The following KLF12 variants were observed in gnomAD, a reference collection of about 807,000 sequenced individuals.
The protein encoded by KLF12 is KLF transcription factor 12, also known as Krueppel-like factor 12.
A neutral mutation model predicts 37.8 loss-of-function variants in KLF12; 9 were observed. That is an observed-to-expected ratio of 0.24 (90% CI 0.14 to 0.42). The LOEUF is 0.42. KLF12 is among the 10% of genes least tolerant of loss of function. The pLI, the probability that KLF12 is intolerant of heterozygous loss-of-function variation, is 1.00. For missense variants in KLF12, 411 were observed against 516.0 expected (o/e 0.80, Z 1.97); for synonymous variants, 208 against 202.1 (o/e 1.03, Z -0.25).
At chr13:73,878,277 C>A (rs1441422234) in intron 3 of KLF12, among the ~76,000 whole-genome samples, 1 of 152,094 alleles carries the variant, frequency 6.6e-6, no homozygotes, top group South Asian at 2.1e-4. Flanking sequence ...TGGATAATCA[C>A]ATAAAATTAT....
At chr13:73,959,875 A>C (rs1315070168) in intron 2 of KLF12, among the ~76,000 whole-genome samples, 1 of 152,208 alleles carries the variant, frequency 6.6e-6, no homozygotes, top group Non-Finnish European at 1.5e-5. Flanking sequence ...AGACGATGGC[A>C]AACCACCACC....
intron 1 of KLF12, among the ~76,000 whole-genome samples, chr13:74,051,452 C>CT (rs1872922896): frequency 6.6e-6 from 1 of 151,650 alleles, no homozygotes; most frequent in African/African-American, 2.4e-5. Flanking sequence ...GGAAAGTATG[C>CT]TTGGGTGGTG....
intron 5 of KLF12, among the ~76,000 whole-genome samples, chr13:73,771,504 T>C (rs560632119): frequency 7.0e-6 from 1 of 143,556 alleles, no homozygotes; most frequent in South Asian, 2.3e-4. Flanking sequence ...ACAATGAGTA[T>C]AGAAAAATAT....
chr13:73,918,043 TACACATATATACAA>T (rs1566458724), intron 3 of KLF12, among the ~76,000 whole-genome samples: 1 of 151,812 alleles, frequency 6.6e-6, no homozygotes, highest in Non-Finnish European at 1.5e-5. Context: ...TATACACACG[TACACATATATACAA>T]ACAAATATAT....
At chr13:73,734,074 C>CA (rs1877264150) in intron 6 of KLF12, among the ~76,000 whole-genome samples, 1 of 152,202 alleles carries the variant, frequency 6.6e-6, no homozygotes. Flanking sequence ...CATTTCAACT[C>CA]AGTGCCTTCA....
intron 3 of KLF12, among the ~76,000 whole-genome samples, chr13:73,876,546 C>T (rs1451414476): frequency 1.3e-5 from 2 of 152,174 alleles, no homozygotes; most frequent in East Asian, 1.9e-4. Flanking sequence ...TAGGCTGAAG[C>T]AGACAGGAAC....
At chr13:73,835,389 T>C (rs1246968211) in intron 4 of KLF12, among the ~76,000 whole-genome samples, 1 of 152,180 alleles carries the variant, frequency 6.6e-6, no homozygotes, top group Non-Finnish European at 1.5e-5. Context: ...TGGTTCCATA[T>C]TACATGACTT....
At chr13:73,866,024 G>A (rs894424928) in intron 3 of KLF12, among the ~76,000 whole-genome samples, 1 of 152,206 alleles carries the variant, frequency 6.6e-6, no homozygotes, top group Admixed American at 6.5e-5. Context: ...GGGAGGCGGA[G>A]GTGGGTGGAT....
intron 7 of KLF12, among the ~76,000 whole-genome samples, chr13:73,703,777 T>C (rs557354674): frequency 1.1e-4 from 17 of 152,288 alleles, no homozygotes; most frequent in Admixed American, 4.6e-4. Context: ...TGTGTCTCAA[T>C]TGCCACTCAC....
chr13:74,289,153 T>G, the KLF12 span: 1 of 151,802 alleles, frequency 6.6e-6, no homozygotes, highest in Non-Finnish European at 1.5e-5. Flanking sequence ...GAACAAAGAG[T>G]TCGATCTGTA....
intron 1 of KLF12, among the ~76,000 whole-genome samples, chr13:74,128,372 G>T (rs1330116209): frequency 6.8e-6 from 1 of 147,846 alleles, no homozygotes; most frequent in East Asian, 2.1e-4. Flanking sequence ...GTGTGGGGGC[G>T]GTGGAGGTAT....
At chr13:74,065,690 C>T (rs1798514861) in intron 1 of KLF12, among the ~76,000 whole-genome samples, 3 of 151,922 alleles carry the variant, frequency 2.0e-5, no homozygotes, top group Admixed American at 6.6e-5. Flanking sequence ...GTTTCTGAGC[C>T]CATGAAGCAG....
the KLF12 span, among the ~76,000 whole-genome samples, chr13:74,198,697 G>GA: frequency 3.3e-5 from 5 of 151,886 alleles, no homozygotes; most frequent in African/African-American, 9.7e-5. Context: ...GAGTTGAAAA[G>GA]AAAAAAACCC....
rs139586706 is a variant in KLF12 at position 73,802,511 on chromosome 13, G to T, written c.806+10641C>A. Among the ~76,000 whole-genome samples, 335 of 152,160 alleles carry T rather than the reference G, an allele frequency of 2.2e-3. 1 individual carries two copies. Among genetic ancestry groups the T allele is most frequent in the African/African-American group, 7.3e-3 (305 of 41,518 alleles). ...TCAGATTTAGGGGCAACAATGTGCA[G>T]ATTTGTTACCTGGGTATACTGTGTG... On this transcript the variant is annotated intron_variant, in intron 5 of 7. Transcript: ENST00000377669.
chr13:74,172,406 G>T, the KLF12 span, among the ~76,000 whole-genome samples: 2 of 152,090 alleles, frequency 1.3e-5, no homozygotes, highest in Non-Finnish European at 2.9e-5. Flanking sequence ...TATATAATAA[G>T]AAGTTTGGAG....
chr13:74,127,075 G>T (rs1282130644), intron 1 of KLF12, among the ~76,000 whole-genome samples: 3 of 152,126 alleles, frequency 2.0e-5, no homozygotes, highest in Admixed American at 6.6e-5. Flanking sequence ...ATTGATCATA[G>T]CTCGTTGTAG....
At chr13:74,221,302 A>G in the KLF12 span, among the ~76,000 whole-genome samples, 7 of 152,072 alleles carry the variant, frequency 4.6e-5, no homozygotes, top group Non-Finnish European at 8.8e-5. Flanking sequence ...CACCGCGCCC[A>G]GCCATCACTT....
intron 1 of KLF12, among the ~76,000 whole-genome samples, chr13:73,995,936 AG>A (rs2138276460): frequency 6.6e-6 from 1 of 152,320 alleles, no homozygotes; most frequent in Non-Finnish European, 1.5e-5. Flanking sequence ...ATTACACTCA[AG>A]AGGGGACACA....
At chr13:74,146,016 AC>A in the KLF12 span, among the ~76,000 whole-genome samples, 1 of 152,222 alleles carries the variant, frequency 6.6e-6, no homozygotes, top group Non-Finnish European at 1.5e-5. Context: ...TTTTTAAAAA[AC>A]AATTGCTATA....
Sources: gnomAD v4.1 joint callset for allele counts (sites outside exome capture counted in the v4.1 genomes callset) on GRCh38, gnomAD v4.1.1 for gene constraint, MANE v1.5 for transcripts, NCBI Gene and HGNC (gene_info 2026-07-23, HGNC 2026-07-21) for gene names.